The following CACNA2D3 variants were observed in gnomAD, a reference collection of about 807,000 sequenced individuals.
CACNA2D3 encodes calcium voltage-gated channel auxiliary subunit alpha2delta 3.
A neutral mutation model predicts 160.6 loss-of-function variants in CACNA2D3; 60 were observed. The observed-to-expected ratio is 0.37, with a 90% CI of 0.30 to 0.46. The LOEUF (loss-of-function observed/expected upper bound fraction) is 0.46. CACNA2D3 is among the 20% of genes least tolerant of loss of function. CACNA2D3 has a pLI of 1.00. For missense variants in CACNA2D3, 1,205 were observed against 1,365.0 expected (o/e 0.88, Z 1.85); for synonymous variants, 558 against 492.9 (o/e 1.13, Z -1.75).
chr3:55,031,526 G>GT (rs1218043878), intron 35 of CACNA2D3, among the ~76,000 whole-genome samples: 3 of 152,086 alleles, frequency 2.0e-5, no homozygotes, highest in Non-Finnish European at 4.4e-5. Flanking sequence ...AGGACATCCC[G>GT]TATACTCAAA....
intron 13 of CACNA2D3, among the ~76,000 whole-genome samples, chr3:54,792,330 T>C (rs1329290859): frequency 6.6e-6 from 1 of 152,174 alleles, no homozygotes; most frequent in Non-Finnish European, 1.5e-5. Context: ...ATTTTGGGAC[T>C]CCATAGAGCA....
intron 27 of CACNA2D3, among the ~76,000 whole-genome samples, chr3:54,928,701 C>T (rs1472806790): frequency 6.6e-6 from 1 of 151,758 alleles, no homozygotes; most frequent in Non-Finnish European, 1.5e-5. Context: ...GCTGCCCCCA[C>T]ACCCCACCCA....
At chr3:54,210,687 G>T (rs146179142) in intron 2 of CACNA2D3, among the ~76,000 whole-genome samples, 1 of 152,110 alleles carries the variant, frequency 6.6e-6, no homozygotes, top group African/African-American at 2.4e-5. Flanking sequence ...TTACACAAGC[G>T]CCTGGGAGAG....
chr3:54,191,105 T>C (rs965138675), intron 2 of CACNA2D3, among the ~76,000 whole-genome samples: 4 of 150,318 alleles, frequency 2.7e-5, no homozygotes, highest in African/African-American at 4.9e-5. Flanking sequence ...TCAGTCACGA[T>C]AAACCCACTC....
chr3:54,626,699 AAAAAAAAAAAG>A (rs1401579023), intron 9 of CACNA2D3: 9 of 738,300 alleles, frequency 1.2e-5, no homozygotes, highest in African/African-American at 1.1e-4. Context: ...AAAAAAAAAA[AAAAAAAAAAAG>A]AAAGAAAAAG....
intron 27 of CACNA2D3, among the ~76,000 whole-genome samples, chr3:54,912,803 T>C (rs1313198800): frequency 6.6e-6 from 1 of 152,170 alleles, no homozygotes; most frequent in Non-Finnish European, 1.5e-5. Flanking sequence ...TTCACTCCTT[T>C]AGCCTTAATA....
At chr3:54,767,452 C>T (rs760943384) in intron 13 of CACNA2D3, among the ~76,000 whole-genome samples, 9 of 152,028 alleles carry the variant, frequency 5.9e-5, no homozygotes, top group Non-Finnish European at 1.0e-4. Flanking sequence ...AGGTATTGGG[C>T]AAATGTGTAA....
chr3:54,715,516 G>C (rs1435876851), intron 11 of CACNA2D3, among the ~76,000 whole-genome samples: 1 of 151,994 alleles, frequency 6.6e-6, no homozygotes, highest in Non-Finnish European at 1.5e-5. Context: ...ATATGGGGGG[G>C]GCAGGGGGAG....
At chr3:54,400,717 G>T (rs982148233) in intron 4 of CACNA2D3, among the ~76,000 whole-genome samples, 15 of 152,064 alleles carry the variant, frequency 9.9e-5, no homozygotes, top group Admixed American at 2.6e-4. Context: ...CTACCAAATT[G>T]GCACAGTAAG....
intron 34 of CACNA2D3, among the ~76,000 whole-genome samples, chr3:55,014,136 G>A (rs1451878388): frequency 6.6e-6 from 1 of 152,206 alleles, no homozygotes; most frequent in Non-Finnish European, 1.5e-5. Flanking sequence ...TGGGACAGTA[G>A]CAAGGGCTTG....
At chr3:54,521,035 T>C (rs1701639597) in intron 5 of CACNA2D3, among the ~76,000 whole-genome samples, 1 of 20,640 alleles carries the variant, frequency 4.8e-5, no homozygotes, top group Non-Finnish European at 1.3e-4. Flanking sequence ...GGGTTGCTAC[T>C]AACTTTTTGT....
Position 54,144,315 on chromosome 3 carries a change from C to T in CACNA2D3, c.204+20721C>T, listed in dbSNP as rs151203251. Among the ~76,000 whole-genome samples, 13 of 152,244 alleles carry T rather than the reference C, an allele frequency of 8.5e-5. No individual in the cohort carries two copies. The East Asian group carries it at 2.5e-3, about 29-fold the overall frequency. On this transcript the variant is annotated intron_variant, in intron 2 of 37. Coordinates refer to ENST00000474759, the MANE Select transcript of CACNA2D3 (RefSeq NM_018398.3). ...GCATGAAGGTTGTTGCCCAGGTTTCCCCCAGTGTAAACAGTGCTCTGATGA... is the reference window on the plus strand; with the variant it reads ...GCATGAAGGTTGTTGCCCAGGTTTCTCCCAGTGTAAACAGTGCTCTGATGA...
intron 2 of CACNA2D3, among the ~76,000 whole-genome samples, chr3:54,250,632 A>G (rs145597934): frequency 3.9e-5 from 6 of 152,256 alleles, no homozygotes; most frequent in African/African-American, 1.2e-4. Context: ...GATGGAGTCT[A>G]GACTTGTTGC....
chr3:54,812,662 A>G (rs1449267753), intron 13 of CACNA2D3, among the ~76,000 whole-genome samples: 1 of 152,128 alleles, frequency 6.6e-6, no homozygotes, highest in Non-Finnish European at 1.5e-5. Flanking sequence ...GGAATGGCCC[A>G]TGAGGTCCCC....
At chr3:54,373,135 G>A (rs1698954397) in intron 3 of CACNA2D3, among the ~76,000 whole-genome samples, 1 of 152,144 alleles carries the variant, frequency 6.6e-6, no homozygotes, top group Non-Finnish European at 1.5e-5. Context: ...TGCACCTGGG[G>A]GAGGAAGGCT....
chr3:55,074,307 A>C lies in CACNA2D3; in HGVS notation c.*101A>C. 1.1e-6 allele frequency: 1 copy of C among 892,208 alleles called. No homozygotes were observed. The highest frequency in any genetic ancestry group is 1.9e-6 in the Non-Finnish European group (1 of 530,256). The allele number at this position is 892,208 out of a possible 1,614,324, so 55.3% of individuals were successfully genotyped here. ...ATATGGTGCAACATACGAGACATGA[A>C]TATAGTCCAACCATCAGCATCTCAT... On this transcript the variant is annotated 3_prime_UTR_variant, in exon 38 of 38. Coordinates refer to ENST00000474759, the MANE Select transcript of CACNA2D3 (RefSeq NM_018398.3).
chr3:54,850,329 C>T (rs550268277), intron 17 of CACNA2D3, among the ~76,000 whole-genome samples: 13 of 152,226 alleles, frequency 8.5e-5, no homozygotes, highest in South Asian at 2.1e-4. Flanking sequence ...AACAACAGCA[C>T]GTAGCAAGAG....
At chr3:54,748,957 C>T (rs990768604) in intron 11 of CACNA2D3, among the ~76,000 whole-genome samples, 1 of 152,158 alleles carries the variant, frequency 6.6e-6, no homozygotes, top group Non-Finnish European at 1.5e-5. Flanking sequence ...TGAGCAGTAG[C>T]GTAAGGCAGT....
At chr3:54,926,505 T>TACAC (rs36205023) in intron 27 of CACNA2D3, among the ~76,000 whole-genome samples, 3,626 of 143,342 alleles carry the variant, frequency 0.025, 55 homozygotes, top group South Asian at 0.037. Context: ...GCCTGTCAAA[T>TACAC]ACACACACAC....
Sources: gnomAD v4.1 joint callset for allele counts (sites outside exome capture counted in the v4.1 genomes callset) on GRCh38, gnomAD v4.1.1 for gene constraint, MANE v1.5 for transcripts, NCBI Gene and HGNC (gene_info 2026-07-23, HGNC 2026-07-21) for gene names.